BASP1: variants seen among roughly 807,000 people sequenced by gnomAD.
BASP1 encodes the protein brain abundant membrane attached signal protein 1, also known as brain acid soluble protein 1.
In BASP1, 1 loss-of-function variant was observed where a neutral mutation model predicts 2.2. The observed-to-expected ratio is 0.46, with a 90% CI of 0.16 to 2.17. The LOEUF (loss-of-function observed/expected upper bound fraction) is 2.17. Ranked by LOEUF, BASP1 falls within the 30% of genes most tolerant of loss-of-function variation. The pLI is 0.27. For missense variants in BASP1, 352 were observed against 327.2 expected (o/e 1.08, Z -0.58); for synonymous variants, 187 against 154.2 (o/e 1.21, Z -1.58).
chr5:17,267,268 A>C (rs901548690), intron 1 of BASP1, among the ~76,000 whole-genome samples: 1 of 152,168 alleles, frequency 6.6e-6, no homozygotes, highest in African/African-American at 2.4e-5. Context: ...GAAACAACCG[A>C]GTGTCTTCCA....
At chr5:17,226,343 T>C (rs1281095642) in intron 1 of BASP1, among the ~76,000 whole-genome samples, 1 of 152,240 alleles carries the variant, frequency 6.6e-6, no homozygotes, top group African/African-American at 2.4e-5. Flanking sequence ...CTTTCTAAAT[T>C]ACAAATTTCC....
In BASP1 at chr5:17,275,889, G is replaced by A. The variant is rs1554029393; in HGVS notation, c.673G>A (p.Val225Met). The change falls in exon 2 of 2, where the codon GTG becomes ATG. Residue 225 changes from valine (V) to methionine (M), a missense_variant. Transcript: ENST00000322611. This position sits in a 1 kb window ranked among gnomAD's most constrained non-coding sequence, Gnocchi z 5.3. ...PAANSDQTVT[V>M]KE ...AGCTAATTCCGACCAAACCGTAACC[G>A]TGAAAGAGTGACAAGGACAGCCTAT... is the stretch of plus-strand genomic sequence containing the variant. 1 of 1,587,988 alleles carries A rather than the reference G, an allele frequency of 6.3e-7. No individual in the cohort carries two copies. Among genetic ancestry groups the A allele is most frequent in the Non-Finnish European group, 8.6e-7 (1 of 1,169,456 alleles).
rs576116582 is a variant in BASP1 at position 17,231,232 on chromosome 5, T to C, written c.-10+13422T>C. 2.6e-5 allele frequency among the ~76,000 whole-genome samples: 4 copies of C among 152,362 alleles called. No individual in the cohort carries two copies. In the East Asian group the frequency reaches 7.7e-4, roughly 29 times the overall value. On this transcript the variant is annotated intron_variant, in intron 1 of 1. Coordinates refer to ENST00000322611, the MANE Select transcript of BASP1 (RefSeq NM_006317.5). Reference sequence around the variant, plus strand: ...TGAGGACCTTTAGCACTCACTTTCCTGGTAGATAGCACCTTCTTCCAATCA... The same window carrying C: ...TGAGGACCTTTAGCACTCACTTTCCCGGTAGATAGCACCTTCTTCCAATCA...
At chr5:17,219,535 C>T (rs942980233) in intron 1 of BASP1, among the ~76,000 whole-genome samples, 4 of 152,176 alleles carry the variant, frequency 2.6e-5, no homozygotes, top group Admixed American at 2.0e-4. Context: ...GTTCTTTTTC[C>T]TGTAACATAT....
chr5:17,262,139 T>C (rs956772252), intron 1 of BASP1, among the ~76,000 whole-genome samples: 4 of 147,244 alleles, frequency 2.7e-5, no homozygotes, highest in African/African-American at 5.4e-5. Flanking sequence ...GTCATCTAAG[T>C]AATTTTCCCT....
intron 1 of BASP1, among the ~76,000 whole-genome samples, chr5:17,225,765 T>G (rs532913003): frequency 6.6e-6 from 1 of 152,206 alleles, no homozygotes; most frequent in Non-Finnish European, 1.5e-5. Flanking sequence ...AGAGCTTTTA[T>G]GCCGATTTCT....
At position 17,254,282 on chromosome 5, in the gene BASP1, A is replaced by C. The variant is rs201420534; in HGVS notation, c.-9-20926A>C. Reference sequence around the variant, plus strand: ...ATATCTGCTAACATAATTGTAATTCATCTTTTGTGTTCATTTTTAAAGTGC... The same window carrying C: ...ATATCTGCTAACATAATTGTAATTCCTCTTTTGTGTTCATTTTTAAAGTGC... On this transcript the variant is annotated intron_variant, in intron 1 of 1. Transcript: ENST00000322611. 2.0e-5 allele frequency among the ~76,000 whole-genome samples: 3 copies of C among 152,134 alleles called. No individual in the cohort carries two copies. In the East Asian group the frequency reaches 5.8e-4, roughly 29 times the overall value.
chr5:17,239,238 T>TGG (rs1389612992), intron 1 of BASP1, among the ~76,000 whole-genome samples: 2 of 151,942 alleles, frequency 1.3e-5, no homozygotes, highest in East Asian at 3.9e-4. Context: ...GGACTACAGG[T>TGG]GCCCGCCACC....
chr5:17,273,773 C>G (rs1334656775), intron 1 of BASP1, among the ~76,000 whole-genome samples: 1 of 152,166 alleles, frequency 6.6e-6, no homozygotes, highest in Non-Finnish European at 1.5e-5. Context: ...GGTGGTTCCC[C>G]CCTGCTCTTT....
intron 1 of BASP1, among the ~76,000 whole-genome samples, chr5:17,253,217 A>G (rs892941161): frequency 6.6e-6 from 1 of 151,994 alleles, no homozygotes; most frequent in Admixed American, 6.6e-5. Flanking sequence ...GTTTATTTGT[A>G]TTTACTTTTT....
intron 1 of BASP1, among the ~76,000 whole-genome samples, chr5:17,242,861 A>T (rs1031071593): frequency 1.3e-5 from 2 of 151,548 alleles, no homozygotes; most frequent in East Asian, 3.9e-4. Flanking sequence ...AAAAAAAAAA[A>T]GGTAATCGTA....
At chr5:17,240,133 GATAAATAA>G (rs55977756) in intron 1 of BASP1, among the ~76,000 whole-genome samples, 85 of 146,066 alleles carry the variant, frequency 5.8e-4, no homozygotes, top group East Asian at 2.8e-3. Flanking sequence ...TAAAAATAAA[GATAAATAA>G]ATAAATAAAT....
rs1169064243 is a variant in BASP1 at position 17,251,030 on chromosome 5, G to T, written c.-9-24178G>T. On this transcript the variant is annotated intron_variant, in intron 1 of 1. Coordinates refer to ENST00000322611, the MANE Select transcript of BASP1 (RefSeq NM_006317.5). This position sits in a 1 kb window ranked among gnomAD's most constrained non-coding sequence, Gnocchi z 4.0. ...TAAAATGGCTTACGTGAGAGAAAAG[G>T]TTAACTCTTCATATGTTAAATTCCA... Among the ~76,000 whole-genome samples, 4 of 152,226 alleles carry T rather than the reference G, an allele frequency of 2.6e-5. No homozygotes were observed. The highest frequency in any genetic ancestry group is 4.8e-5 in the African/African-American group (2 of 41,456).
rs1197841892 is a variant in BASP1 at position 17,275,388 on chromosome 5, C to T, written c.172C>T (p.Pro58Ser). The change falls in exon 2 of 2, where the codon CCC becomes TCC. Residue 58 changes from proline to serine, a missense_variant. Transcript: ENST00000322611. The surrounding 1 kb of genome is among the most constrained non-coding windows in gnomAD (Gnocchi z 5.3). The part of the protein sequence containing the change: ...PAEAKEGKEK[P>S]DQDAEGKAEE... ...CGAGGCCAAGGAGGGCAAGGAGAAG[C>T]CCGACCAGGACGCCGAGGGCAAGGC... 2.5e-6 allele frequency: 4 copies of T among 1,590,796 alleles called. No homozygotes were observed. Among genetic ancestry groups the T allele is most frequent in the South Asian group, 1.1e-5 (1 of 89,324 alleles).
At chr5:17,267,817 C>CTTTTTTTTTTTTTTTTTTTTTTTTT (rs748938177) in intron 1 of BASP1, among the ~76,000 whole-genome samples, 1 of 33,432 alleles carries the variant, frequency 3.0e-5, no homozygotes, top group African/African-American at 1.5e-4. Flanking sequence ...GCTCCCAGCC[C>CTTTTTTTTTTTTTTTTTTTTTTTTT]TTTTTTTTTT....
intron 1 of BASP1, among the ~76,000 whole-genome samples, chr5:17,244,694 G>GTTT (rs79126102): frequency 2.2e-5 from 3 of 138,306 alleles, no homozygotes; most frequent in African/African-American, 7.9e-5. Context: ...TAATTGTAGT[G>GTTT]TTTTTTTTTT....
At chr5:17,272,948 A>T (rs1478014411) in intron 1 of BASP1, among the ~76,000 whole-genome samples, 1 of 152,146 alleles carries the variant, frequency 6.6e-6, no homozygotes, top group Non-Finnish European at 1.5e-5. Context: ...AGAAAGCAGC[A>T]CCCCATGTTA....
At chr5:17,230,854 G>A (rs948853400) in intron 1 of BASP1, among the ~76,000 whole-genome samples, 3 of 152,014 alleles carry the variant, frequency 2.0e-5, no homozygotes, top group African/African-American at 7.3e-5. Flanking sequence ...AGGCCACTGC[G>A]CCCAGCCCGA....
In BASP1 at chr5:17,251,936, G is replaced by A. The variant is rs758687012; in HGVS notation, c.-9-23272G>A. On this transcript the variant is annotated intron_variant, in intron 1 of 1. Transcript: ENST00000322611. The surrounding 1 kb of genome is among the most constrained non-coding windows in gnomAD (Gnocchi z 4.0). ...AAGCTCAAGAAATAATCTAGTGGGC[G>A]CTAGAGTGTAGACAAAGAATCCTCA... 6.6e-6 allele frequency among the ~76,000 whole-genome samples: 1 copy of A among 152,124 alleles called. No homozygotes were observed. Among genetic ancestry groups the A allele is most frequent in the Admixed American group, 6.6e-5 (1 of 15,266 alleles).
Sources: gnomAD v4.1 joint callset for allele counts (sites outside exome capture counted in the v4.1 genomes callset) on GRCh38, gnomAD v4.1.1 for gene constraint, Gnocchi (gnomAD v3.1) non-coding constraint, MANE v1.5 for transcripts, NCBI Gene and HGNC (gene_info 2026-07-23, HGNC 2026-07-21) for gene names.